Variants in MBOAT4 observed in about 807,000 individuals in gnomAD.
The protein encoded by MBOAT4 is membrane bound ghrelin O-acyltransferase MBOAT4.
MBOAT4 carries 11 observed loss-of-function variants against 13.2 expected under a neutral mutation model. The observed-to-expected ratio is 0.84, with a 90% CI of 0.53 to 1.38. MBOAT4 has a LOEUF of 1.38. Ranked by LOEUF, MBOAT4 falls within the 40% of genes most tolerant of loss-of-function variation. MBOAT4 has a pLI of 0.00. For synonymous variants in MBOAT4, 202 were observed against 210.3 expected (o/e 0.96, Z 0.34); for missense variants, 481 against 527.2 (o/e 0.91, Z 0.86).
Position 30,132,438 on chromosome 8 carries a change from A to G in MBOAT4, c.813T>C (p.Phe271=). 1.3e-6 allele frequency: 2 copies of G among 1,551,742 alleles called. No individual in the cohort carries two copies. Among genetic ancestry groups the G allele is most frequent in the Non-Finnish European group, 1.7e-6 (2 of 1,146,996 alleles). ...CAGGGCTCTGACCAAGCTCAGGCCCAAAGCCCGCTGCGTGGAGGAGGGAGT... is the reference window on the plus strand; with the variant it reads ...CAGGGCTCTGACCAAGCTCAGGCCCGAAGCCCGCTGCGTGGAGGAGGGAGT... ...LDDSLLHAAG[F]GPELGQSPGE... Residue 271 remains phenylalanine, a synonymous_variant, in exon 3 of 3, where the codon TTT becomes TTC. Transcript: ENST00000320542.
At chr8:30,137,204 C>G in intron 2 of MBOAT4, 1 of 1,187,522 alleles carries the variant, frequency 8.4e-7, no homozygotes, top group Non-Finnish European at 1.2e-6. Context: ...CCTCTCATCT[C>G]AGGGATCTTG....
chr8:30,142,697 A>T lies in MBOAT4; in HGVS notation c.119+1786T>A, dbSNP rs187651702. Reference sequence around the variant, plus strand: ...TTCACCCTAAGGTAACTCCATGAGGATTAATCCTTATTTTTGCACTCATGT... The same window carrying T: ...TTCACCCTAAGGTAACTCCATGAGGTTTAATCCTTATTTTTGCACTCATGT... On this transcript the variant is annotated intron_variant, in intron 1 of 2. Coordinates refer to ENST00000320542, the MANE Select transcript of MBOAT4 (RefSeq NM_001100916.2). 8.5e-4 allele frequency among the ~76,000 whole-genome samples: 129 copies of T among 152,266 alleles called. 1 individual carries two copies. Among genetic ancestry groups the T allele is most frequent in the African/African-American group, 3.0e-3 (126 of 41,554 alleles).
chr8:30,137,820 C>A, intron 2 of MBOAT4: 1 of 318,648 alleles, frequency 3.1e-6, no homozygotes, highest in South Asian at 4.0e-5. Flanking sequence ...AACAAATTAG[C>A]CGAAAGATTA....
intron 1 of MBOAT4, among the ~76,000 whole-genome samples, chr8:30,143,347 C>CAAAAAAAAAAAA (rs776274086): frequency 1.4e-5 from 2 of 143,602 alleles, no homozygotes; most frequent in African/African-American, 5.6e-5. Flanking sequence ...GACTCCGTCT[C>CAAAAAAAAAAAA]AAAAAAAAAA....
At chr8:30,143,380 T>A (rs1202161558) in intron 1 of MBOAT4, among the ~76,000 whole-genome samples, 3 of 3,046 alleles carry the variant, frequency 9.8e-4, no homozygotes, top group African/African-American at 8.1e-4. Context: ...TATATATATA[T>A]ATATATATAT....
intron 2 of MBOAT4, chr8:30,137,985 G>C (rs1005089000): frequency 5.5e-6 from 1 of 181,106 alleles, no homozygotes; most frequent in African/African-American, 2.4e-5. Flanking sequence ...GTACTACCCA[G>C]ACCGATAAAC....
Position 30,144,497 on chromosome 8 carries a change from G to A in MBOAT4, c.105C>T (p.Phe35=), listed in dbSNP as rs111576934. ...ATCCAGCCTACCTGGCACGAGTGGAGAATGAATCCATGATGCAGAGATAAT... is the reference window on the plus strand; with the variant it reads ...ATCCAGCCTACCTGGCACGAGTGGAAAATGAATCCATGATGCAGAGATAAT... ...LFNYLCIMDS[F]STRARYLFLL... is the part of the protein sequence containing the mutation. The change falls in exon 1 of 3, where the codon TTC becomes TTT. Residue 35 remains phenylalanine, a synonymous_variant. Transcript: ENST00000320542. 1.1e-4 allele frequency: 163 copies of A among 1,549,512 alleles called. 1 individual carries two copies. In the African/African-American group the frequency reaches 1.8e-3, roughly 17 times the overall value.
In MBOAT4 at chr8:30,132,053, T is replaced by C. The variant is rs139387795; in HGVS notation, c.1198A>G (p.Arg400Gly). ...AGCAACCAGAGAGAGGAGAGACTCC[T>C]GACCTCCACAGCCAGCATGATGTAG... ...IAYIMLAVEVRSLSSLWLLCN... is the reference protein window; with the variant it reads ...IAYIMLAVEVGSLSSLWLLCN... The change falls in exon 3 of 3, where the codon AGG becomes GGG. Residue 400 changes from arginine (R) to glycine (G), a missense_variant. Arg to Gly is a moderately radical substitution (Grantham distance 125). Transcript: ENST00000320542. 40 of 1,551,732 alleles carry C rather than the reference T, an allele frequency of 2.6e-5. No individual in the cohort carries two copies. The Middle Eastern group carries it at 8.3e-4, about 32-fold the overall frequency.
At chr8:30,138,882 T>G in intron 1 of MBOAT4, 126 bp from the exon 2 acceptor site, 1 of 662,296 alleles carries the variant, frequency 1.5e-6, no homozygotes, top group South Asian at 1.9e-5. Flanking sequence ...GCCATGCTGT[T>G]TGCACTCTGG....
chr8:30,132,487 T>G lies in MBOAT4; in HGVS notation c.764A>C (p.Tyr255Ser). Residue 255 changes from tyrosine to serine, a missense_variant, in exon 3 of 3, where the codon TAC (tyrosine) becomes TCC (serine). Coordinates refer to ENST00000320542, the MANE Select transcript of MBOAT4 (RefSeq NM_001100916.2). The part of the protein sequence containing the change: ...WTTAGLFKLT[Y>S]YSHWILDDSL... ...GTCGTCCAGGATCCAGTGGGAGTAG[T>G]AGGTGAGCTTGAAAAGCCCAGCTGT... The G allele has an allele frequency of 6.4e-7, 1 of 1,551,704 alleles. No homozygotes were observed.
chr8:30,132,376 G>A lies in MBOAT4; in HGVS notation c.875C>T (p.Thr292Ile). 1.9e-6 allele frequency: 3 copies of A among 1,551,714 alleles called. No individual in the cohort carries two copies. Among genetic ancestry groups the A allele is most frequent in the Non-Finnish European group, 2.6e-6 (3 of 1,147,014 alleles). Reference sequence around the variant, plus strand: ...AGATATCCTGTGGGTTCTTTCCAGGGTCCAGATGTCTGCATCGGGGACATA... The same window carrying A: ...AGATATCCTGTGGGTTCTTTCCAGGATCCAGATGTCTGCATCGGGGACATA... ...EGYVPDADIW[T>I]LERTHRISVF... Residue 292 changes from threonine (T) to isoleucine (I), a missense_variant, in exon 3 of 3, where the codon ACC becomes ATC. Transcript: ENST00000320542.
intron 1 of MBOAT4, among the ~76,000 whole-genome samples, chr8:30,140,080 C>G (rs7842607): frequency 6.6e-6 from 1 of 152,268 alleles, no homozygotes; most frequent in East Asian, 1.9e-4. Flanking sequence ...CTCTGTTGCC[C>G]GGATTGGAGT....
chr8:30,136,518 C>G (rs1010761276), intron 2 of MBOAT4, among the ~76,000 whole-genome samples: 1 of 152,164 alleles, frequency 6.6e-6, no homozygotes, highest in African/African-American at 2.4e-5. Flanking sequence ...ACTAGCAGAG[C>G]CCCCCATTCC....
At chr8:30,136,589 C>T (rs1456672626) in intron 2 of MBOAT4, among the ~76,000 whole-genome samples, 3 of 152,202 alleles carry the variant, frequency 2.0e-5, no homozygotes, top group Non-Finnish European at 4.4e-5. Flanking sequence ...CTCCCAGCCC[C>T]ATCAGGCCCC....
intron 1 of MBOAT4, among the ~76,000 whole-genome samples, chr8:30,141,004 AT>A (rs561100467): frequency 6.6e-6 from 1 of 151,922 alleles, no homozygotes; most frequent in African/African-American, 2.4e-5. Flanking sequence ...TACCTGGCTA[AT>A]TTTTTTAATA....
At chr8:30,140,004 C>T (rs774647902) in intron 1 of MBOAT4, among the ~76,000 whole-genome samples, 11 of 152,230 alleles carry the variant, frequency 7.2e-5, no homozygotes, top group South Asian at 4.1e-4. Context: ...TATCCTGTCA[C>T]GAAAAATCTG....
intron 1 of MBOAT4, among the ~76,000 whole-genome samples, chr8:30,140,523 G>A (rs1803245646): frequency 6.6e-6 from 1 of 152,166 alleles, no homozygotes; most frequent in Non-Finnish European, 1.5e-5. Context: ...TGTCTTGCAA[G>A]TTTATGCTTG....
chr8:30,143,347 C>CAAAAAAAAA (rs776274086), intron 1 of MBOAT4, among the ~76,000 whole-genome samples: 18 of 143,566 alleles, frequency 1.3e-4, no homozygotes, highest in African/African-American at 2.8e-4. Flanking sequence ...GACTCCGTCT[C>CAAAAAAAAA]AAAAAAAAAA....
intron 2 of MBOAT4, among the ~76,000 whole-genome samples, chr8:30,135,774 T>C (rs1012963218): frequency 6.6e-6 from 1 of 151,388 alleles, no homozygotes; most frequent in African/African-American, 2.4e-5. Context: ...ATTAGCCCGA[T>C]GTGGTGGTGC....
Sources: gnomAD v4.1 joint callset for allele counts (sites outside exome capture counted in the v4.1 genomes callset) on GRCh38, gnomAD v4.1.1 for gene constraint, MANE v1.5 for transcripts, NCBI Gene and HGNC (gene_info 2026-07-23, HGNC 2026-07-21) for gene names.